Variants in PCSK2 observed in about 807,000 individuals in gnomAD.
PCSK2 encodes the protein neuroendocrine convertase 2.
In PCSK2, 14 loss-of-function variants were observed where a neutral mutation model predicts 69.7. That is an observed-to-expected ratio of 0.20 (90% CI 0.13 to 0.31). The LOEUF is 0.31. Ranked by LOEUF, PCSK2 falls within the 10% of genes least tolerant of loss-of-function variation. PCSK2 has a pLI of 1.00. For missense variants in PCSK2, 544 were observed against 842.5 expected (o/e 0.65, Z 4.39); for synonymous variants, 307 against 320.7 (o/e 0.96, Z 0.46).
At position 17,453,943 on chromosome 20, in the gene PCSK2, C is replaced by A. The variant is rs1398466928; in HGVS notation, c.1087C>A (p.Pro363Thr). Residue 363 changes from proline (P) to threonine (T), a missense_variant, in exon 9 of 12, where the codon CCC (proline) becomes ACC (threonine). Transcript: ENST00000262545. The surrounding 1 kb of genome is among the most constrained non-coding windows in gnomAD (Gnocchi z 4.0). ...CTTCAGCAACGGGAGGAAAAGGAAC[C>A]CCGAGGCCGGTGTGGTGAGCACGTC... ...STFSNGRKRN[P>T]EAGVATTDLY... 4 of 1,614,092 alleles carry A rather than the reference C, an allele frequency of 2.5e-6. No homozygotes were observed. The highest frequency in any genetic ancestry group is 3.4e-6 in the Non-Finnish European group (4 of 1,180,042).
At chr20:17,384,425 C>CAAAAAAA (rs11478291) in intron 5 of PCSK2, among the ~76,000 whole-genome samples, 1 of 106,546 alleles carries the variant, frequency 9.4e-6, no homozygotes, top group African/African-American at 3.9e-5. Flanking sequence ...CCATATCTAC[C>CAAAAAAA]AAAAAAAAAA....
intron 1 of PCSK2, among the ~76,000 whole-genome samples, chr20:17,236,118 T>C (rs1986328236): frequency 6.6e-6 from 1 of 152,082 alleles, no homozygotes; most frequent in African/African-American, 2.4e-5. Flanking sequence ...TGTATGAATA[T>C]GTATAGAGAG....
At chr20:17,355,315 A>G (rs2030155491) in intron 2 of PCSK2, among the ~76,000 whole-genome samples, 1 of 152,278 alleles carries the variant, frequency 6.6e-6, no homozygotes, top group South Asian at 2.1e-4. Flanking sequence ...TCAAACTTCC[A>G]TGTGATAGTT....
chr20:17,356,511 T>A (rs994054227), intron 2 of PCSK2, among the ~76,000 whole-genome samples: 3 of 152,240 alleles, frequency 2.0e-5, no homozygotes, highest in South Asian at 2.1e-4. Flanking sequence ...GGCAGTGCAG[T>A]AAGGAGGGGA....
intron 2 of PCSK2, among the ~76,000 whole-genome samples, chr20:17,307,842 TCAGA>T (rs1268776415): frequency 6.6e-6 from 1 of 152,130 alleles, no homozygotes; most frequent in African/African-American, 2.4e-5. Context: ...AAAAAACACC[TCAGA>T]CTGGGTAAAT....
chr20:17,426,132 A>G (rs182704317), intron 6 of PCSK2, among the ~76,000 whole-genome samples: 102 of 152,240 alleles, frequency 6.7e-4, no homozygotes, highest in African/African-American at 2.3e-3. Flanking sequence ...CATAATCCCC[A>G]TGTGTCAAGG....
intron 1 of PCSK2, among the ~76,000 whole-genome samples, chr20:17,246,766 A>C (rs1481086101): frequency 6.6e-6 from 1 of 151,616 alleles, no homozygotes; most frequent in Non-Finnish European, 1.5e-5. Context: ...CTGGGAGAGC[A>C]GCTGTTGTTT....
At chr20:17,269,725 G>C (rs954956274) in intron 2 of PCSK2, among the ~76,000 whole-genome samples, 1 of 152,064 alleles carries the variant, frequency 6.6e-6, no homozygotes, top group Non-Finnish European at 1.5e-5. Flanking sequence ...CCAAGACCGC[G>C]TTCTGCAAGC....
At chr20:17,276,139 C>G (rs145757795) in intron 2 of PCSK2, among the ~76,000 whole-genome samples, 1 of 152,016 alleles carries the variant, frequency 6.6e-6, no homozygotes, top group Non-Finnish European at 1.5e-5. Flanking sequence ...CACTGCTGTC[C>G]TTTAGTAATT....
At chr20:17,300,235 C>T (rs1165220071) in intron 2 of PCSK2, among the ~76,000 whole-genome samples, 1 of 152,228 alleles carries the variant, frequency 6.6e-6, no homozygotes, top group African/African-American at 2.4e-5. Flanking sequence ...TACACCTGCC[C>T]TCATTAGAAG....
At chr20:17,363,927 C>A (rs562663784) in intron 4 of PCSK2, among the ~76,000 whole-genome samples, 2 of 152,256 alleles carry the variant, frequency 1.3e-5, no homozygotes, top group African/African-American at 4.8e-5. Flanking sequence ...ACAACTAATT[C>A]TAACCACCAT....
intron 5 of PCSK2, among the ~76,000 whole-genome samples, chr20:17,405,301 T>G (rs907725812): frequency 6.6e-6 from 1 of 152,224 alleles, no homozygotes; most frequent in Non-Finnish European, 1.5e-5. Context: ...CGTATTTGTC[T>G]AGGGCAGCCC....
chr20:17,359,328 T>G (rs2030313339), intron 3 of PCSK2, among the ~76,000 whole-genome samples: 1 of 152,176 alleles, frequency 6.6e-6, no homozygotes, highest in Admixed American at 6.5e-5. Context: ...ATGAGTGTAC[T>G]TGTATTAGTT....
intron 7 of PCSK2, 122 bp downstream of exon 7, chr20:17,429,645 T>C: frequency 3.2e-6 from 2 of 626,226 alleles, no homozygotes; most frequent in Non-Finnish European, 5.4e-6. Context: ...TTGGCACAAG[T>C]GAAAAAAATT....
At chr20:17,429,620 C>A (rs1375822851) in intron 7 of PCSK2, 97 bp downstream of exon 7, 4 of 767,090 alleles carry the variant, frequency 5.2e-6, no homozygotes, top group Non-Finnish European at 8.2e-6. Context: ...TGCAGAAAAG[C>A]TAGGATCCAC....
At chr20:17,236,313 C>A (rs906302142) in intron 1 of PCSK2, among the ~76,000 whole-genome samples, 62 of 152,014 alleles carry the variant, frequency 4.1e-4, no homozygotes, top group African/African-American at 1.4e-3. Context: ...TAATATACCT[C>A]CCTAAAATTC....
intron 1 of PCSK2, among the ~76,000 whole-genome samples, chr20:17,245,739 A>G (rs761447552): frequency 1.8e-4 from 28 of 151,832 alleles, no homozygotes; most frequent in Non-Finnish European, 3.1e-4. Context: ...TCTTGTGCTT[A>G]GCAGAGTCCT....
intron 2 of PCSK2, among the ~76,000 whole-genome samples, chr20:17,263,482 G>C (rs898857812): frequency 1.3e-5 from 2 of 152,204 alleles, no homozygotes; most frequent in African/African-American, 2.4e-5. Flanking sequence ...TGCACAGTGA[G>C]ATGTTCAGGA....
intron 10 of PCSK2, chr20:17,464,097 G>A (rs1055493697): frequency 3.9e-5 from 6 of 152,040 alleles, no homozygotes; most frequent in African/African-American, 7.2e-5. Context: ...TAAATCACTG[G>A]TTCTCAACAT....
Sources: allele counts gnomAD v4.1 joint callset (sites outside exome capture counted in the v4.1 genomes callset), GRCh38; gene constraint gnomAD v4.1.1; non-coding constraint Gnocchi (gnomAD v3.1); transcripts MANE v1.5; gene names NCBI Gene and HGNC (gene_info 2026-07-23, HGNC 2026-07-21).